The following EDA variants were observed in gnomAD, a reference collection of about 807,000 sequenced individuals.
EDA encodes the protein ectodysplasin A.
EDA carries 2 observed loss-of-function variants against 23.6 expected under a neutral mutation model. The ratio of observed to expected loss-of-function variants is 0.08; its 90% CI spans 0.03 to 0.27. The LOEUF (loss-of-function observed/expected upper bound fraction) is 0.27, where lower values mean the gene tolerates loss of function less well. EDA is among the 10% of genes least tolerant of loss of function. The pLI is 1.00. For synonymous variants in EDA, 131 were observed against 132.0 expected, an observed-to-expected ratio of 0.99 and a Z score of 0.05; for missense variants, 229 against 324.2, an observed-to-expected ratio of 0.71 and a Z score of 2.26.
chrX:69,766,469 G>A (rs1295217756), intron 1 of EDA, among the ~76,000 whole-genome samples: 1 of 110,536 alleles, frequency 9.0e-6, no homozygotes, highest in Non-Finnish European at 1.9e-5. Flanking sequence ...GTGTCTTATA[G>A]GTCCTTAGGT....
At chrX:69,786,567 G>A (rs2015186265) in intron 1 of EDA, among the ~76,000 whole-genome samples, 1 of 110,639 alleles carries the variant, frequency 9.0e-6, no homozygotes, top group East Asian at 2.8e-4. Flanking sequence ...TCATTCAGGA[G>A]CAGGTTGTTC....
intron 1 of EDA, among the ~76,000 whole-genome samples, chrX:69,918,167 T>C (rs6625532): frequency 0.088 from 8,828 of 99,776 alleles, 953 homozygotes; most frequent in East Asian, 0.69. Context: ...TTTTTTTTTT[T>C]TTTTTTCCAG....
At chrX:69,806,060 A>G (rs1019382665) in intron 1 of EDA, among the ~76,000 whole-genome samples, 19 of 111,555 alleles carry the variant, frequency 1.7e-4, no homozygotes, top group Admixed American at 1.5e-3. Context: ...ATACAGACAA[A>G]CAGGCATGGA....
intron 1 of EDA, among the ~76,000 whole-genome samples, chrX:69,768,393 G>A (rs1685931140): frequency 9.0e-6 from 1 of 111,671 alleles, no homozygotes; most frequent in African/African-American, 3.2e-5. Context: ...GTGCCAAGGT[G>A]TCTTTATTTA....
At chrX:69,755,155 CA>C (rs1277055317) in intron 1 of EDA, among the ~76,000 whole-genome samples, 2 of 111,752 alleles carry the variant, frequency 1.8e-5, no homozygotes, top group African/African-American at 3.3e-5. Context: ...TTAGAATTTT[CA>C]TGTTTTCTGC....
At chrX:69,895,157 T>C (rs1371608695) in intron 1 of EDA, among the ~76,000 whole-genome samples, 2 of 111,573 alleles carry the variant, frequency 1.8e-5, no homozygotes, top group Non-Finnish European at 3.8e-5. Context: ...TCTGCATCTA[T>C]TGAGATGATC....
At chrX:69,793,570 G>T (rs201651915) in intron 1 of EDA, among the ~76,000 whole-genome samples, 603 of 58,505 alleles carry the variant, frequency 0.01, 13 homozygotes, top group African/African-American at 0.035. Context: ...GTTTGTTTTT[G>T]TTTTTTTTTT....
At chrX:69,729,362 T>G (rs1438493203) in intron 1 of EDA, among the ~76,000 whole-genome samples, 1 of 110,990 alleles carries the variant, frequency 9.0e-6, no homozygotes, top group East Asian at 2.9e-4. Flanking sequence ...GCTCCATCAA[T>G]TATACCCTAC....
chrX:69,654,465 A>G (rs1447135675), intron 1 of EDA, among the ~76,000 whole-genome samples: 7 of 111,915 alleles, frequency 6.3e-5, no homozygotes, highest in Non-Finnish European at 1.3e-4. Context: ...CCAAAGGATT[A>G]TAAATCATGC....
intron 1 of EDA, among the ~76,000 whole-genome samples, chrX:69,898,146 G>A (rs777621479): frequency 8.9e-6 from 1 of 111,881 alleles, no homozygotes; most frequent in African/African-American, 3.2e-5. Context: ...TTTGGTGGAG[G>A]GGGGTTGGCT....
chrX:69,949,927 A>G (rs770806166), intron 1 of EDA, among the ~76,000 whole-genome samples: 1 of 109,989 alleles, frequency 9.1e-6, no homozygotes, highest in South Asian at 4.0e-4. Flanking sequence ...TACACCTTAT[A>G]CAAAAATCAA....
chrX:70,002,316 G>C (rs1038613441), intron 2 of EDA, among the ~76,000 whole-genome samples: 1 of 108,579 alleles, frequency 9.2e-6, no homozygotes, highest in African/African-American at 3.4e-5. Context: ...AAGGCAACAT[G>C]ATTTCATAAT....
At chrX:69,750,427 G>C (rs891705347) in intron 1 of EDA, among the ~76,000 whole-genome samples, 1 of 109,654 alleles carries the variant, frequency 9.1e-6, no homozygotes, top group Non-Finnish European at 1.9e-5. Flanking sequence ...TATCATTGTT[G>C]GACATTTGTG....
intron 1 of EDA, among the ~76,000 whole-genome samples, chrX:69,781,219 G>A (rs9887015): frequency 0.087 from 9,626 of 110,910 alleles, 392 homozygotes; most frequent in Non-Finnish European, 0.13. Context: ...ATAAGTTTTC[G>A]TGTGGATGTA....
At chrX:69,640,065 A>G (rs978567657) in intron 1 of EDA, among the ~76,000 whole-genome samples, 1 of 111,463 alleles carries the variant, frequency 9.0e-6, no homozygotes, top group Non-Finnish European at 1.9e-5. Flanking sequence ...AATTGATCAT[A>G]TATGTGAGGA....
chrX:69,874,752 A>C (rs965863410), intron 1 of EDA, among the ~76,000 whole-genome samples: 2 of 111,859 alleles, frequency 1.8e-5, no homozygotes, highest in African/African-American at 6.5e-5. Flanking sequence ...GACTCATCCA[A>C]AAACCTCCTA....
At position 69,738,451 on chromosome X, in the gene EDA, A is replaced by T. The variant is rs934127253; in HGVS notation, c.396+121747A>T. 2.8e-5 allele frequency among the ~76,000 whole-genome samples: 3 copies of T among 108,108 alleles called. No homozygotes were observed. In the East Asian group the frequency reaches 8.8e-4, roughly 32 times the overall value. 93.9% of individuals were successfully genotyped at this position (108,108 alleles called of 115,157 possible). ...TTTTGTAGATCTTTTCAAAGACTAA[A>T]CTTCTGGTTTTATTGATTTTCTCTA... On this transcript the variant is annotated intron_variant, in intron 1 of 7. Coordinates refer to ENST00000374552, the MANE Select transcript of EDA (RefSeq NM_001399.5).
intron 1 of EDA, among the ~76,000 whole-genome samples, chrX:69,928,387 A>C (rs1171656962): frequency 8.9e-6 from 1 of 112,121 alleles, no homozygotes; most frequent in Non-Finnish European, 1.9e-5. Flanking sequence ...TCTATTTTGC[A>C]TTCCACAGTA....
intron 1 of EDA, among the ~76,000 whole-genome samples, chrX:69,771,313 C>T (rs1290613181): frequency 1.8e-5 from 2 of 111,111 alleles, no homozygotes; most frequent in African/African-American, 6.6e-5. Context: ...CCACCTCGGC[C>T]TCCCAAAGTG....
Sources: gnomAD v4.1 joint callset for allele counts (sites outside exome capture counted in the v4.1 genomes callset) on GRCh38, gnomAD v4.1.1 for gene constraint, MANE v1.5 for transcripts, NCBI Gene and HGNC (gene_info 2026-07-23, HGNC 2026-07-21) for gene names.